The following TXLNB variants were observed in gnomAD, a reference collection of about 807,000 sequenced individuals.
TXLNB encodes the protein taxilin beta.
TXLNB carries 37 observed loss-of-function variants against 57.4 expected under a neutral mutation model. That is an observed-to-expected ratio of 0.64 (90% CI 0.50 to 0.85). TXLNB has a LOEUF of 0.85. TXLNB is among the 40% of genes least tolerant of loss of function. The pLI, the probability that TXLNB is intolerant of heterozygous loss-of-function variation, is 0.00. For synonymous variants in TXLNB, 302 were observed against 309.6 expected (o/e 0.98, Z 0.26); for missense variants, 848 against 825.6 (o/e 1.03, Z -0.33).
intron 3 of TXLNB, among the ~76,000 whole-genome samples, chr6:139,275,475 T>G (rs1323621207): frequency 6.6e-6 from 1 of 152,204 alleles, no homozygotes; most frequent in African/African-American, 2.4e-5. Flanking sequence ...ACATGAGGGA[T>G]TAGAGATTTT....
the TXLNB span, among the ~76,000 whole-genome samples, chr6:139,214,321 A>G: frequency 3.4e-4 from 52 of 152,358 alleles, 1 homozygote; most frequent in African/African-American, 1.2e-3. Context: ...AGGCTGGTTC[A>G]ACATATGCAA....
upstream of TXLNB, among the ~76,000 whole-genome samples, chr6:139,296,268 C>G (rs1421207863): frequency 6.6e-6 from 1 of 152,040 alleles, no homozygotes; most frequent in Non-Finnish European, 1.5e-5. Context: ...TTTTTGATAC[C>G]CTTATACTTA....
the TXLNB span, among the ~76,000 whole-genome samples, chr6:139,187,140 A>G: frequency 2.0e-5 from 3 of 152,206 alleles, no homozygotes; most frequent in Non-Finnish European, 4.4e-5. Flanking sequence ...TCAGCCAGAA[A>G]AAAATACCCT....
At chr6:139,256,158 T>A (rs1391704535) in intron 6 of TXLNB, among the ~76,000 whole-genome samples, 2 of 152,054 alleles carry the variant, frequency 1.3e-5, no homozygotes, top group African/African-American at 4.8e-5. Flanking sequence ...AACTAGTGGT[T>A]TTAATAAAAA....
At position 139,276,924 on chromosome 6, in the gene TXLNB, T is replaced by TAAA; in HGVS notation, c.425-6_425-4dup. The TAAA allele has an allele frequency of 1.4e-6, 2 of 1,415,796 alleles. No homozygotes were observed. Among genetic ancestry groups the TAAA allele is most frequent in the East Asian group, 2.7e-5 (1 of 37,606 alleles). 87.7% of individuals were successfully genotyped at this position (1,415,796 alleles called of 1,614,324 possible). ...CATTAGCAGGTTGGCTTCTTTGCCT[T>TAAA]AAAAAAAAAAGACATGAAAAAAATA... On this transcript the variant is annotated splice_region_variant and splice_polypyrimidine_tract_variant and intron_variant, in intron 2 of 9. Coordinates refer to ENST00000358430, the MANE Select transcript of TXLNB (RefSeq NM_153235.4).
chr6:139,214,629 G>A, the TXLNB span, among the ~76,000 whole-genome samples: 3 of 152,064 alleles, frequency 2.0e-5, no homozygotes, highest in African/African-American at 7.2e-5. Context: ...TTCTGGCCAG[G>A]GCAATCAGGC....
Position 139,284,195 on chromosome 6 carries a change from C to T in TXLNB, c.424+4281G>A, listed in dbSNP as rs966500145. On this transcript the variant is annotated intron_variant, in intron 2 of 9. Transcript: ENST00000358430. ...AAAGGCCATGACTTATTTATCTTTG[C>T]GCACCTAGCACAGTGCATCATAAAG... 4.1e-5 allele frequency among the ~76,000 whole-genome samples: 6 copies of T among 145,496 alleles called. 1 individual carries two copies. Among genetic ancestry groups the T allele is most frequent in the Non-Finnish European group, 6.1e-5 (4 of 65,460 alleles).
the TXLNB span, among the ~76,000 whole-genome samples, chr6:139,218,507 C>A: frequency 2.0e-5 from 3 of 152,068 alleles, no homozygotes; most frequent in Admixed American, 6.6e-5. Flanking sequence ...AATCCCAGCA[C>A]TTTGGGAGGC....
the TXLNB span, among the ~76,000 whole-genome samples, chr6:139,299,999 G>T: frequency 2.0e-5 from 3 of 151,958 alleles, no homozygotes; most frequent in African/African-American, 7.3e-5. Context: ...TAACTATAAG[G>T]TTCATTTTTC....
At chr6:139,226,821 G>T in the TXLNB span, among the ~76,000 whole-genome samples, 1 of 151,786 alleles carries the variant, frequency 6.6e-6, no homozygotes, top group Non-Finnish European at 1.5e-5. Context: ...TAAGTCAGGA[G>T]TTCAAGACCA....
the TXLNB span, among the ~76,000 whole-genome samples, chr6:139,298,824 A>C: frequency 6.6e-6 from 1 of 152,202 alleles, no homozygotes; most frequent in South Asian, 2.1e-4. Context: ...CAGATCTCTC[A>C]TGAATGGCTA....
chr6:139,163,441 G>A, the TXLNB span, among the ~76,000 whole-genome samples: 2 of 149,498 alleles, frequency 1.3e-5, no homozygotes, highest in Non-Finnish European at 2.9e-5. Flanking sequence ...TACAACCTTC[G>A]TCTTCCAATT....
At chr6:139,166,077 T>G in the TXLNB span, 14 of 503,692 alleles carry the variant, frequency 2.8e-5, no homozygotes, top group Middle Eastern at 5.0e-4. Context: ...AAGGTCCTTT[T>G]TAGAGATTCC....
rs1775923506 is a variant in TXLNB, at chr6:139,241,112, T to C, written c.*1414A>G. ...TTCTCATCAAGCAATGTTAATGTAA[T>C]ACTCATGTTGACAACCCCAAGTGTT... On this transcript the variant is annotated 3_prime_UTR_variant, in exon 10 of 10. Transcript: ENST00000358430. 6.6e-6 allele frequency: 1 copy of C among 152,230 alleles called. No homozygotes were observed. The highest frequency in any genetic ancestry group is 2.4e-5 in the African/African-American group (1 of 41,444). 9.4% of individuals were successfully genotyped at this position (152,230 alleles called of 1,614,324 possible). A position where few individuals can be genotyped will look rare whatever the true frequency, so the allele number is the denominator to read the frequency against.
At chr6:139,192,384 T>C in the TXLNB span, among the ~76,000 whole-genome samples, 1 of 152,210 alleles carries the variant, frequency 6.6e-6, no homozygotes, top group Non-Finnish European at 1.5e-5. Context: ...TTGCAACCCT[T>C]TGGGCTCCTT....
intron 2 of TXLNB, among the ~76,000 whole-genome samples, chr6:139,279,464 A>G (rs1776988239): frequency 1.3e-5 from 2 of 152,360 alleles, no homozygotes; most frequent in African/African-American, 4.8e-5. Context: ...TCTCACAGGA[A>G]AAGCACTAAA....
intron 6 of TXLNB, among the ~76,000 whole-genome samples, chr6:139,256,679 C>T (rs943250758): frequency 6.6e-6 from 1 of 152,258 alleles, no homozygotes; most frequent in Non-Finnish European, 1.5e-5. Flanking sequence ...GACCACTGTT[C>T]TCCACCATAG....
At chr6:139,311,647 G>A in the TXLNB span, among the ~76,000 whole-genome samples, 3 of 152,110 alleles carry the variant, frequency 2.0e-5, no homozygotes, top group African/African-American at 7.2e-5. Context: ...TACTAAACTG[G>A]AGAAACTGGA....
rs149391191 is a variant in TXLNB, at chr6:139,264,857, G to A, written c.688-2084C>T. ...TTATGGGGGTTGAGCCACTGCCCCCGGCCTATATTGTTTTTCAATGAGACC... is the reference window on the plus strand; with the variant it reads ...TTATGGGGGTTGAGCCACTGCCCCCAGCCTATATTGTTTTTCAATGAGACC... On this transcript the variant is annotated intron_variant, in intron 4 of 9. Coordinates refer to ENST00000358430, the MANE Select transcript of TXLNB (RefSeq NM_153235.4). Among the ~76,000 whole-genome samples the A allele has an allele frequency of 3.9e-3, 588 of 152,174 alleles. 2 individuals carry two copies. The highest frequency in any genetic ancestry group is 0.013 in the African/African-American group (554 of 41,502).
Sources: gnomAD v4.1 joint callset for allele counts (sites outside exome capture counted in the v4.1 genomes callset) on GRCh38, gnomAD v4.1.1 for gene constraint, MANE v1.5 for transcripts, NCBI Gene and HGNC (gene_info 2026-07-23, HGNC 2026-07-21) for gene names.